The following SEMA3D variants were observed in gnomAD, a reference collection of about 807,000 sequenced individuals.
SEMA3D encodes the protein semaphorin 3D.
A neutral mutation model predicts 100.1 loss-of-function variants in SEMA3D; 84 were observed. The observed-to-expected ratio is 0.84, with a 90% CI of 0.70 to 1.01. The LOEUF is 1.01. SEMA3D is among the 50% of genes least tolerant of loss of function. SEMA3D has a pLI of 0.00. For missense variants in SEMA3D, 875 were observed against 934.1 expected (o/e 0.94, Z 0.82); for synonymous variants, 312 against 320.7 (o/e 0.97, Z 0.29).
intron 1 of SEMA3D, among the ~76,000 whole-genome samples, chr7:85,177,652 T>C (rs1383601236): frequency 1.3e-5 from 2 of 152,216 alleles, no homozygotes; most frequent in Non-Finnish European, 2.9e-5. Flanking sequence ...TGAGAGCCTA[T>C]AATTACAATC....
chr7:85,183,458 T>C (rs1159583616), intron 1 of SEMA3D, among the ~76,000 whole-genome samples: 1 of 152,210 alleles, frequency 6.6e-6, no homozygotes, highest in Non-Finnish European at 1.5e-5. Context: ...TGTTAGCCTG[T>C]CGGAAACAGT....
the SEMA3D span, among the ~76,000 whole-genome samples, chr7:85,194,758 A>G: frequency 2.0e-5 from 3 of 152,188 alleles, no homozygotes; most frequent in Non-Finnish European, 2.9e-5. Context: ...TCTGGAGGCT[A>G]TAAGTCAAAG....
intron 1 of SEMA3D, among the ~76,000 whole-genome samples, chr7:85,160,530 G>A (rs1790718367): frequency 6.6e-6 from 1 of 152,114 alleles, no homozygotes; most frequent in Admixed American, 6.6e-5. Flanking sequence ...GATGCGGTTT[G>A]CCTGACTCTC....
chr7:85,219,537 A>C, the SEMA3D span, among the ~76,000 whole-genome samples: 23 of 152,020 alleles, frequency 1.5e-4, no homozygotes, highest in Admixed American at 1.4e-3. Context: ...TACTTTATAA[A>C]TGGAATATAT....
At chr7:85,079,246 G>A (rs13222785) in intron 5 of SEMA3D, among the ~76,000 whole-genome samples, 23,488 of 152,094 alleles carry the variant, frequency 0.15, 1,980 homozygotes, top group African/African-American at 0.22. Flanking sequence ...ATTGAAAACA[G>A]TTCCTTGAAC....
At chr7:85,012,927 A>C in intron 16 of SEMA3D, 81 bp from the exon 17 acceptor site, 1 of 1,033,610 alleles carries the variant, frequency 9.7e-7, no homozygotes, top group African/African-American at 1.6e-5. Context: ...TACTAATAAC[A>C]GTGGCAGATG....
intron 12 of SEMA3D, among the ~76,000 whole-genome samples, chr7:85,024,523 A>T (rs375850206): frequency 6.6e-6 from 1 of 151,970 alleles, no homozygotes; most frequent in Non-Finnish European, 1.5e-5. Context: ...ATAAATATGA[A>T]TTTTCCTCAT....
At chr7:85,157,630 C>T in intron 1 of SEMA3D, 2 of 975,982 alleles carry the variant, frequency 2.0e-6, no homozygotes, top group Non-Finnish European at 2.4e-6. Context: ...TAAATTGCAT[C>T]AGTTTATGCC....
intron 1 of SEMA3D, chr7:85,160,173 A>C (rs1790708377): frequency 2.8e-6 from 1 of 352,144 alleles, no homozygotes; most frequent in Non-Finnish European, 4.0e-6. Context: ...CAAAAAGGTA[A>C]GGCATTATAT....
chr7:85,162,823 A>C (rs551534176), intron 1 of SEMA3D, among the ~76,000 whole-genome samples: 18 of 152,268 alleles, frequency 1.2e-4, no homozygotes, highest in Middle Eastern at 3.4e-3. Flanking sequence ...GCAGAACAGA[A>C]GGTTCCAGTA....
intron 17 of SEMA3D, among the ~76,000 whole-genome samples, chr7:85,011,352 G>A (rs1194849458): frequency 2.0e-5 from 3 of 151,774 alleles, no homozygotes; most frequent in Non-Finnish European, 1.5e-5. Flanking sequence ...TGGATAGACT[G>A]ATGATGATGA....
At chr7:85,236,196 C>G in the SEMA3D span, among the ~76,000 whole-genome samples, 1 of 151,992 alleles carries the variant, frequency 6.6e-6, no homozygotes, top group East Asian at 1.9e-4. Flanking sequence ...TACCTGCAAC[C>G]CAAGAACTCC....
intron 4 of SEMA3D, among the ~76,000 whole-genome samples, chr7:85,090,259 TGA>T (rs1384388833): frequency 6.6e-6 from 1 of 152,140 alleles, no homozygotes; most frequent in Non-Finnish European, 1.5e-5. Flanking sequence ...GGAGTTCTTG[TGA>T]GAGTTCTGGC....
At chr7:85,187,253 G>A (rs573263119), upstream of SEMA3D, among the ~76,000 whole-genome samples, 84 of 152,280 alleles carry the variant, frequency 5.5e-4, no homozygotes, top group African/African-American at 1.4e-3. Flanking sequence ...TCAGGACAGG[G>A]CACCCTATGT....
chr7:85,094,695 T>C (rs1197882994), intron 4 of SEMA3D, among the ~76,000 whole-genome samples: 3 of 151,954 alleles, frequency 2.0e-5, no homozygotes, highest in African/African-American at 7.2e-5. Context: ...GTTCTGATTG[T>C]TCCATTTTGA....
rs1158438522 is a variant in SEMA3D, at chr7:85,065,500, T to C, written c.642A>G (p.Ala214=). Residue 214 remains alanine (A), a synonymous_variant, in exon 8 of 19, where the codon GCA becomes GCG. Transcript: ENST00000284136. ...TASDFLGKDT[A]FTRSLGPTHD... ...GAGTAGGCCCAAGGGATCGAGTGAA[T>C]GCAGTATCTTTGCCAAGGAAATCAG... 1 of 1,612,930 alleles carries C rather than the reference T, an allele frequency of 6.2e-7. No individual in the cohort carries two copies. The highest frequency in any genetic ancestry group is 1.1e-5 in the South Asian group (1 of 91,058).
At position 85,162,066 on chromosome 7, in the gene SEMA3D, C is replaced by T. The variant is rs1025009376; in HGVS notation, c.-172-8327G>A. 2.0e-5 allele frequency among the ~76,000 whole-genome samples: 3 copies of T among 151,770 alleles called. No individual in the cohort carries two copies. In the South Asian group the frequency reaches 6.2e-4, roughly 32 times the overall value. On this transcript the variant is annotated intron_variant, in intron 1 of 18. Coordinates refer to ENST00000284136, the MANE Select transcript of SEMA3D (RefSeq NM_001384900.1). ...TCTGTACCTGTTTCGTAGCTGTTCC[C>T]AATTTGTAAAACGTGTTTTTTTTTT...
upstream of SEMA3D, among the ~76,000 whole-genome samples, chr7:85,188,540 T>G (rs953564367): frequency 6.6e-6 from 1 of 152,258 alleles, no homozygotes; most frequent in Non-Finnish European, 1.5e-5. Flanking sequence ...TCATTGCACT[T>G]CCATGCAAAT....
At chr7:85,123,196 C>T (rs1365256643) in intron 2 of SEMA3D, among the ~76,000 whole-genome samples, 3 of 152,034 alleles carry the variant, frequency 2.0e-5, no homozygotes, top group Admixed American at 1.3e-4. Context: ...CCTAAGTCTT[C>T]CAGTGCTTTG....
Sources: gnomAD v4.1 joint callset for allele counts (sites outside exome capture counted in the v4.1 genomes callset) on GRCh38, gnomAD v4.1.1 for gene constraint, MANE v1.5 for transcripts, NCBI Gene and HGNC (gene_info 2026-07-23, HGNC 2026-07-21) for gene names.